Variants in ZBTB20 observed in about 807,000 individuals in gnomAD.
The protein encoded by ZBTB20 is zinc finger and BTB domain containing 20.
ZBTB20 carries 9 observed loss-of-function variants against 56.9 expected under a neutral mutation model. The observed-to-expected ratio is 0.16, with a 90% CI of 0.10 to 0.28. The LOEUF is 0.28. ZBTB20 is among the 10% of genes least tolerant of loss of function. The pLI, the probability that ZBTB20 is intolerant of heterozygous loss-of-function variation, is 1.00. For missense variants in ZBTB20, 655 were observed against 1,003.0 expected (o/e 0.65, Z 4.69); for synonymous variants, 417 against 420.7 (o/e 0.99, Z 0.11).
chr3:115,016,894 G>C (rs2079986183), intron 2 of ZBTB20, among the ~76,000 whole-genome samples: 1 of 151,570 alleles, frequency 6.6e-6, no homozygotes, highest in South Asian at 2.1e-4. Flanking sequence ...AAAATAGTAA[G>C]AGCCATATAT....
intron 6 of ZBTB20, among the ~76,000 whole-genome samples, chr3:114,624,717 G>A (rs1346089427): frequency 6.6e-6 from 1 of 152,124 alleles, no homozygotes; most frequent in Non-Finnish European, 1.5e-5. Context: ...AGGGAAGGGG[G>A]GAAGGGTACG....
chr3:114,544,756 T>G (rs531968081), intron 6 of ZBTB20, among the ~76,000 whole-genome samples: 3 of 152,172 alleles, frequency 2.0e-5, no homozygotes, highest in African/African-American at 7.2e-5. Context: ...CCACATGCCT[T>G]GGCCTCCCAA....
intron 4 of ZBTB20, among the ~76,000 whole-genome samples, chr3:114,810,882 C>T (rs1193093094): frequency 6.6e-6 from 1 of 151,952 alleles, no homozygotes; most frequent in African/African-American, 2.4e-5. Flanking sequence ...TTCAACTGCC[C>T]CTCCTACTAC....
intron 7 of ZBTB20, among the ~76,000 whole-genome samples, chr3:114,441,985 A>G (rs2090962652): frequency 6.6e-6 from 1 of 152,188 alleles, no homozygotes; most frequent in African/African-American, 2.4e-5. Context: ...TACAAATTTT[A>G]TAAGTAAAGT....
intron 6 of ZBTB20, among the ~76,000 whole-genome samples, chr3:114,619,566 G>T (rs1488966617): frequency 1.3e-5 from 2 of 151,750 alleles, no homozygotes; most frequent in Non-Finnish European, 2.9e-5. Context: ...TGTGATTCTT[G>T]TCAGCACAAT....
intron 2 of ZBTB20, among the ~76,000 whole-genome samples, chr3:115,039,656 T>C (rs2081063455): frequency 6.6e-6 from 1 of 152,114 alleles, no homozygotes; most frequent in South Asian, 2.1e-4. Flanking sequence ...TCTGCAGTTA[T>C]CAACCTACAA....
intron 5 of ZBTB20, among the ~76,000 whole-genome samples, chr3:114,726,540 G>A (rs954251008): frequency 1.3e-5 from 2 of 152,116 alleles, no homozygotes; most frequent in South Asian, 4.1e-4. Flanking sequence ...GGGAAAGTGA[G>A]GCCTAAGAAT....
chr3:114,360,057 CT>C (rs1188255373), intron 10 of ZBTB20, among the ~76,000 whole-genome samples: 1 of 151,310 alleles, frequency 6.6e-6, no homozygotes, highest in Non-Finnish European at 1.5e-5. Flanking sequence ...TTTGGGAAAA[CT>C]TTTCTCTGGA....
At chr3:114,557,438 G>A (rs898219485) in intron 6 of ZBTB20, among the ~76,000 whole-genome samples, 1 of 151,898 alleles carries the variant, frequency 6.6e-6, no homozygotes, top group African/African-American at 2.4e-5. Context: ...AGTACATTTA[G>A]TATTTGCAGT....
At chr3:114,879,075 T>C (rs2076302459) in intron 4 of ZBTB20, among the ~76,000 whole-genome samples, 1 of 152,190 alleles carries the variant, frequency 6.6e-6, no homozygotes, top group Non-Finnish European at 1.5e-5. Flanking sequence ...TTAACATTAT[T>C]AATTTGGCCT....
intron 7 of ZBTB20, among the ~76,000 whole-genome samples, chr3:114,435,271 G>A (rs985464084): frequency 1.4e-4 from 21 of 152,034 alleles, no homozygotes; most frequent in Non-Finnish European, 5.9e-5. Context: ...CAGCAAAAGG[G>A]AGGAAGATAA....
chr3:114,583,492 T>C (rs541643307), intron 6 of ZBTB20, among the ~76,000 whole-genome samples: 3 of 152,246 alleles, frequency 2.0e-5, no homozygotes, highest in African/African-American at 7.2e-5. Context: ...GGAATAAAAA[T>C]AAGATTTCTT....
chr3:114,663,464 G>A (rs1461417487), intron 6 of ZBTB20, among the ~76,000 whole-genome samples: 1 of 148,080 alleles, frequency 6.8e-6, no homozygotes, highest in African/African-American at 2.5e-5. Context: ...TCGAGACTAG[G>A]AAGAAACTGC....
intron 4 of ZBTB20, among the ~76,000 whole-genome samples, chr3:114,819,188 G>A (rs1396558422): frequency 2.0e-5 from 3 of 151,724 alleles, no homozygotes; most frequent in East Asian, 1.9e-4. Context: ...AGGAATTTGG[G>A]GATCTATATG....
At chr3:114,792,338 T>C (rs2071021136) in intron 5 of ZBTB20, among the ~76,000 whole-genome samples, 1 of 152,062 alleles carries the variant, frequency 6.6e-6, no homozygotes, top group African/African-American at 2.4e-5. Context: ...AAGAGTAAGG[T>C]GGTGCCAAAG....
intron 6 of ZBTB20, among the ~76,000 whole-genome samples, chr3:114,593,935 CT>C (rs2056061680): frequency 6.6e-6 from 1 of 152,168 alleles, no homozygotes; most frequent in Admixed American, 6.5e-5. Flanking sequence ...AGTCAGACAG[CT>C]ACTTCTTTTT....
At chr3:114,718,077 CA>C (rs2064631336) in intron 5 of ZBTB20, among the ~76,000 whole-genome samples, 1 of 152,004 alleles carries the variant, frequency 6.6e-6, no homozygotes, top group Non-Finnish European at 1.5e-5. Context: ...CTTTGATATA[CA>C]AAAAAGAGTA....
intron 2 of ZBTB20, among the ~76,000 whole-genome samples, chr3:114,988,097 T>G (rs2078627046): frequency 6.6e-6 from 1 of 151,428 alleles, no homozygotes; most frequent in South Asian, 2.1e-4. Flanking sequence ...GTTTCTTTTT[T>G]TTTTTTTTTT....
At chr3:114,823,510 T>C (rs1221832043) in intron 4 of ZBTB20, among the ~76,000 whole-genome samples, 1 of 152,174 alleles carries the variant, frequency 6.6e-6, no homozygotes, top group East Asian at 1.9e-4. Flanking sequence ...GGGCCATTGA[T>C]ACTAGATTTT....
Sources: allele counts gnomAD v4.1 joint callset (sites outside exome capture counted in the v4.1 genomes callset), GRCh38; gene constraint gnomAD v4.1.1; transcripts MANE v1.5; gene names NCBI Gene and HGNC (gene_info 2026-07-23, HGNC 2026-07-21).